Variants in ABCG2 observed in about 807,000 individuals in gnomAD.
ABCG2 encodes broad substrate specificity ATP-binding cassette transporter ABCG2.
In ABCG2, 80 loss-of-function variants were observed where a neutral mutation model predicts 73.5. That is an observed-to-expected ratio of 1.09 (90% CI 0.91 to 1.31). The LOEUF is 1.31. Among genes scored for constraint, ABCG2 ranks in the 50% most tolerant of loss-of-function variants. The probability of loss-of-function intolerance (pLI) is 0.00; values close to 1 mark genes in which losing one functional copy is unlikely to be tolerated. For missense variants in ABCG2, 796 were observed against 786.2 expected (o/e 1.01, Z -0.15); for synonymous variants, 269 against 282.4 (o/e 0.95, Z 0.48).
chr4:88,194,498 C>A (rs10013016), intron 1 of ABCG2, among the ~76,000 whole-genome samples: 2 of 143,644 alleles, frequency 1.4e-5, no homozygotes, highest in Admixed American at 7.1e-5. Context: ...TGCAGTGAGC[C>A]GAGATCTGGC....
intron 5 of ABCG2, among the ~76,000 whole-genome samples, chr4:88,127,849 T>C (rs1188568613): frequency 6.6e-6 from 1 of 151,188 alleles, no homozygotes; most frequent in Non-Finnish European, 1.5e-5. Context: ...GACATAGGCA[T>C]GGGCAAAGAC....
At chr4:88,122,953 G>A (rs1050087948) in intron 5 of ABCG2, among the ~76,000 whole-genome samples, 3 of 152,104 alleles carry the variant, frequency 2.0e-5, no homozygotes, top group African/African-American at 4.8e-5. Context: ...TGGGAACAAA[G>A]CTTCCAGAGA....
At chr4:88,187,727 T>C (rs1325681667) in intron 1 of ABCG2, among the ~76,000 whole-genome samples, 1 of 152,182 alleles carries the variant, frequency 6.6e-6, no homozygotes. Flanking sequence ...CCCATAAATA[T>C]ATACACCTAC....
At chr4:88,097,393 G>C in intron 13 of ABCG2, 60 bp downstream of exon 13, 1 of 1,582,096 alleles carries the variant, frequency 6.3e-7, no homozygotes. Context: ...AAGTGAATGT[G>C]CAGGAAGAAA....
intron 1 of ABCG2, among the ~76,000 whole-genome samples, chr4:88,146,694 A>G (rs2110065762): frequency 6.6e-6 from 1 of 152,030 alleles, no homozygotes; most frequent in East Asian, 1.9e-4. Context: ...GTGCTTGGCT[A>G]AAACCTGTTA....
chr4:88,140,082 T>C (rs1458615831), intron 1 of ABCG2, 68 bp from the exon 2 acceptor site: 10 of 1,323,280 alleles, frequency 7.6e-6, no homozygotes, highest in Non-Finnish European at 7.3e-6. Flanking sequence ...TAGGTGACAA[T>C]ACATTTAAAA....
In ABCG2 at chr4:88,207,173, G is replaced by A. The variant is rs79309290; in HGVS notation, c.-20+23821C>T. On this transcript the variant is annotated intron_variant, in intron 1 of 15. Transcript: ENST00000515655. ...CCTGCCACACTCTTCATAATCCAAT[G>A]GAGAAATCTCTAGAACATTAAAGAA... 6.3e-4 allele frequency among the ~76,000 whole-genome samples: 96 copies of A among 152,252 alleles called. 3 individuals are homozygous for A. In the East Asian group the frequency reaches 0.017, roughly 26 times the overall value.
chr4:88,224,161 G>A (rs751662981), intron 1 of ABCG2, among the ~76,000 whole-genome samples: 2 of 152,130 alleles, frequency 1.3e-5, no homozygotes, highest in Non-Finnish European at 2.9e-5. Flanking sequence ...TCTCTTGAAA[G>A]TGTCTAGACT....
intron 1 of ABCG2, among the ~76,000 whole-genome samples, chr4:88,180,695 G>T (rs1048362777): frequency 6.6e-6 from 1 of 152,144 alleles, no homozygotes; most frequent in African/African-American, 2.4e-5. Flanking sequence ...ATAGGTTGCA[G>T]TGAGCTGAGA....
intron 1 of ABCG2, among the ~76,000 whole-genome samples, chr4:88,217,246 A>G (rs559782291): frequency 6.6e-6 from 1 of 152,304 alleles, no homozygotes; most frequent in East Asian, 1.9e-4. Flanking sequence ...TTGATAGAAC[A>G]GTGAATTGGC....
chr4:88,127,357 G>A (rs900626400), intron 5 of ABCG2, among the ~76,000 whole-genome samples: 1 of 151,966 alleles, frequency 6.6e-6, no homozygotes, highest in Non-Finnish European at 1.5e-5. Flanking sequence ...AAGTAATATA[G>A]AGATTCAATG....
upstream of ABCG2, chr4:88,163,775 C>T (rs775618206): frequency 7.2e-4 from 278 of 387,878 alleles, 4 homozygotes; most frequent in Non-Finnish European, 1.5e-4. Flanking sequence ...TGTGTTAATA[C>T]CAGGTTCAAC....
intron 1 of ABCG2, among the ~76,000 whole-genome samples, chr4:88,153,095 G>A (rs373389033): frequency 1.2e-4 from 18 of 152,274 alleles, no homozygotes; most frequent in East Asian, 3.9e-4. Context: ...TGCCTAAGGA[G>A]GTTCAGCATA....
intron 9 of ABCG2, among the ~76,000 whole-genome samples, chr4:88,109,526 A>G (rs981198868): frequency 3.5e-4 from 54 of 152,354 alleles, no homozygotes; most frequent in African/African-American, 1.3e-3. Context: ...TAAAGAAAGG[A>G]AAACAAACAG....
At chr4:88,190,449 A>G (rs1046257651) in intron 1 of ABCG2, among the ~76,000 whole-genome samples, 2 of 152,210 alleles carry the variant, frequency 1.3e-5, no homozygotes, top group African/African-American at 4.8e-5. Context: ...CCAGGAGTCT[A>G]TTTACAAAAT....
intron 1 of ABCG2, among the ~76,000 whole-genome samples, chr4:88,141,183 C>T (rs1725616680): frequency 6.6e-6 from 1 of 151,846 alleles, no homozygotes; most frequent in African/African-American, 2.4e-5. Context: ...AAAAGTAGAC[C>T]AAAAAAAGTA....
At chr4:88,225,246 T>C (rs1300772488) in intron 1 of ABCG2, among the ~76,000 whole-genome samples, 3 of 152,188 alleles carry the variant, frequency 2.0e-5, no homozygotes, top group Non-Finnish European at 4.4e-5. Context: ...ACTCTGCCGT[T>C]ATAGCACTAA....
intron 1 of ABCG2, among the ~76,000 whole-genome samples, chr4:88,217,521 G>A (rs371925556): frequency 5.3e-5 from 8 of 152,134 alleles, no homozygotes; most frequent in African/African-American, 1.7e-4. Flanking sequence ...AATTAGCCAG[G>A]TGTGGTGGTG....
chr4:88,211,559 G>A (rs1273115997), intron 1 of ABCG2, among the ~76,000 whole-genome samples: 1 of 152,068 alleles, frequency 6.6e-6, no homozygotes, highest in African/African-American at 2.4e-5. Flanking sequence ...TGGGACTACC[G>A]GAGTACACCA....
Sources: allele counts gnomAD v4.1 joint callset (sites outside exome capture counted in the v4.1 genomes callset), GRCh38; gene constraint gnomAD v4.1.1; transcripts MANE v1.5; gene names NCBI Gene and HGNC (gene_info 2026-07-23, HGNC 2026-07-21).